The following WWTR1 variants were observed in gnomAD, a reference collection of about 807,000 sequenced individuals.
WWTR1 encodes WW domain containing transcription regulator 1, also known as WW domain-containing transcription regulator protein 1.
A neutral mutation model predicts 40.1 loss-of-function variants in WWTR1; 13 were observed. The observed-to-expected ratio is 0.32, with a 90% CI of 0.21 to 0.52. The LOEUF is 0.52. Among genes scored for constraint, WWTR1 ranks in the 20% least tolerant of loss-of-function variants. WWTR1 has a pLI of 0.97. For missense variants in WWTR1, 436 were observed against 523.1 expected (o/e 0.83, Z 1.63); for synonymous variants, 230 against 210.1 (o/e 1.09, Z -0.82).
chr3:149,718,430 T>C (rs1429444098), intron 4 of WWTR1, among the ~76,000 whole-genome samples: 2 of 152,254 alleles, frequency 1.3e-5, no homozygotes, highest in Non-Finnish European at 2.9e-5. Flanking sequence ...TATCTCACTT[T>C]GGTTCTTTTC....
intron 2 of WWTR1, among the ~76,000 whole-genome samples, chr3:149,654,959 T>TA (rs5853434): frequency 0.083 from 12,469 of 149,598 alleles, 1,315 homozygotes; most frequent in African/African-American, 0.25. Context: ...CCGTCTCTAC[T>TA]AAAAAAAATA....
chr3:149,686,560 TG>T (rs1714663251), intron 1 of WWTR1, among the ~76,000 whole-genome samples: 1 of 151,818 alleles, frequency 6.6e-6, no homozygotes, highest in African/African-American at 2.4e-5. Context: ...AATAATAGAG[TG>T]AAGAAATCTT....
At chr3:149,599,914 C>A (rs1185788953) in intron 2 of WWTR1, among the ~76,000 whole-genome samples, 2 of 152,006 alleles carry the variant, frequency 1.3e-5, no homozygotes, top group African/African-American at 4.8e-5. Context: ...GGGATTCAAC[C>A]AACATTGGCC....
intron 4 of WWTR1, among the ~76,000 whole-genome samples, chr3:149,719,087 T>C (rs1715681655): frequency 6.6e-6 from 1 of 151,998 alleles, no homozygotes; most frequent in Admixed American, 6.6e-5. Context: ...TGGCCTCCCA[T>C]AGGGCTGGGA....
Position 149,517,883 on chromosome 3 carries a change from T to C in WWTR1, c.*2922A>G, listed in dbSNP as rs1734858129. 6.6e-6 allele frequency: 1 copy of C among 152,200 alleles called. No homozygotes were observed. Among genetic ancestry groups the C allele is most frequent in the Non-Finnish European group, 1.5e-5 (1 of 68,024 alleles). The allele number at this position is 152,200 out of a possible 1,614,324, so 9.4% of individuals were successfully genotyped here. ...AATTATTTTTCATTTGATACGCCTT[T>C]TCTGTGACAAAATTTTGGGGTGAAA... On this transcript the variant is annotated 3_prime_UTR_variant, in exon 7 of 7. Coordinates refer to ENST00000360632, the MANE Select transcript of WWTR1 (RefSeq NM_015472.6).
intron 3 of WWTR1, among the ~76,000 whole-genome samples, chr3:149,544,916 T>G (rs750876657): frequency 1.3e-5 from 2 of 152,120 alleles, no homozygotes; most frequent in African/African-American, 2.4e-5. Flanking sequence ...AAGATATCAG[T>G]GTATATTGCC....
chr3:149,623,844 T>C (rs1414709638), intron 2 of WWTR1, among the ~76,000 whole-genome samples: 2 of 152,200 alleles, frequency 1.3e-5, no homozygotes, highest in Non-Finnish European at 2.9e-5. Flanking sequence ...AGGGCCATGC[T>C]TCATGGCTGC....
At position 149,572,881 on chromosome 3, in the gene WWTR1, A is replaced by G; in HGVS notation, c.551T>C (p.Val184Ala). 1.2e-6 allele frequency: 2 copies of G among 1,613,836 alleles called. No homozygotes were observed. The highest frequency in any genetic ancestry group is 1.1e-5 in the South Asian group (1 of 91,014). Residue 184 changes from valine to alanine, a missense_variant, in exon 3 of 7, where the codon GTA (valine) becomes GCA (alanine). By Grantham distance (64) the Val-to-Ala change is moderately conservative. Coordinates refer to ENST00000360632, the MANE Select transcript of WWTR1 (RefSeq NM_015472.6). Reference sequence around the variant, plus strand: ...AGGCTTACCGAGATTTGGCTGGGATACTGCCATGGACCTCTGAGGCACTGG... The same window carrying G: ...AGGCTTACCGAGATTTGGCTGGGATGCTGCCATGGACCTCTGAGGCACTGG... ...STPVPQRSMA[V>A]SQPNLVMNHQ...
At chr3:149,693,793 G>A (rs1219156012) in intron 1 of WWTR1, among the ~76,000 whole-genome samples, 1 of 152,050 alleles carries the variant, frequency 6.6e-6, no homozygotes, top group Non-Finnish European at 1.5e-5. Context: ...ATATCCATCT[G>A]TGGAATAATA....
intron 2 of WWTR1, among the ~76,000 whole-genome samples, chr3:149,597,170 T>C (rs1363950103): frequency 6.6e-6 from 1 of 152,158 alleles, no homozygotes; most frequent in Admixed American, 6.6e-5. Flanking sequence ...CCAATATTAG[T>C]ATTTTATTGA....
intron 1 of WWTR1, among the ~76,000 whole-genome samples, chr3:149,690,295 C>T (rs932086068): frequency 6.6e-6 from 1 of 152,032 alleles, no homozygotes; most frequent in Non-Finnish European, 1.5e-5. Flanking sequence ...TGTAAATGAA[C>T]TAAACTCTCC....
At chr3:149,642,700 G>GT (rs1712249717) in intron 2 of WWTR1, among the ~76,000 whole-genome samples, 1 of 151,680 alleles carries the variant, frequency 6.6e-6, no homozygotes, top group Admixed American at 6.6e-5. Context: ...GCCGGAACCC[G>GT]GGAGGCGGAG....
intron 2 of WWTR1, among the ~76,000 whole-genome samples, chr3:149,611,763 T>C (rs1739746438): frequency 6.6e-6 from 1 of 152,176 alleles, no homozygotes; most frequent in South Asian, 2.1e-4. Flanking sequence ...ATAACATAGC[T>C]CCAGAGTGTT....
chr3:149,716,122 C>T (rs1179533529), intron 5 of WWTR1, among the ~76,000 whole-genome samples: 2 of 152,110 alleles, frequency 1.3e-5, no homozygotes, highest in East Asian at 3.8e-4. Context: ...GTGGCTCATG[C>T]CTGTAATCCC....
At chr3:149,570,225 G>A (rs1320431290) in intron 3 of WWTR1, among the ~76,000 whole-genome samples, 1 of 152,068 alleles carries the variant, frequency 6.6e-6, no homozygotes, top group Non-Finnish European at 1.5e-5. Flanking sequence ...CACAAATATT[G>A]TTGGAAAAAC....
chr3:149,698,585 AC>A (rs1166897756), intron 1 of WWTR1, among the ~76,000 whole-genome samples: 1 of 152,212 alleles, frequency 6.6e-6, no homozygotes, highest in Non-Finnish European at 1.5e-5. Context: ...ACTGGAATCC[AC>A]ATCTCCCCTA....
chr3:149,620,442 G>A (rs1365746740), intron 2 of WWTR1, among the ~76,000 whole-genome samples: 1 of 152,020 alleles, frequency 6.6e-6, no homozygotes, highest in African/African-American at 2.4e-5. Flanking sequence ...TAGCTGGATT[G>A]ACAAGTCTTG....
At chr3:149,576,351 C>T (rs995442832) in intron 2 of WWTR1, 8 of 310,906 alleles carry the variant, frequency 2.6e-5, no homozygotes, top group Admixed American at 4.0e-5. Flanking sequence ...CTTCCCAAAC[C>T]CAGGATACGC....
At chr3:149,588,874 T>C (rs1222885512) in intron 2 of WWTR1, among the ~76,000 whole-genome samples, 1 of 152,192 alleles carries the variant, frequency 6.6e-6, no homozygotes, top group African/African-American at 2.4e-5. Context: ...TAACTGTGAG[T>C]TGGAAAAGGC....
Sources: allele counts gnomAD v4.1 joint callset (sites outside exome capture counted in the v4.1 genomes callset), GRCh38; gene constraint gnomAD v4.1.1; transcripts MANE v1.5; gene names NCBI Gene and HGNC (gene_info 2026-07-23, HGNC 2026-07-21).